The following RPS6KC1 variants were observed in gnomAD, a reference collection of about 807,000 sequenced individuals.
RPS6KC1 encodes inactive ribosomal protein S6 kinase delta-1.
RPS6KC1 carries 54 observed loss-of-function variants against 103.8 expected under a neutral mutation model. That is an observed-to-expected ratio of 0.52 (90% CI 0.42 to 0.65). The LOEUF is 0.65. Ranked by LOEUF, RPS6KC1 falls within the 30% of genes least tolerant of loss-of-function variation. RPS6KC1 has a pLI of 0.00. For missense variants in RPS6KC1, 1,151 were observed against 1,253.8 expected, an observed-to-expected ratio of 0.92 and a Z score of 1.24; for synonymous variants, 439 against 438.7, an observed-to-expected ratio of 1.00 and a Z score of -0.01.
chr1:213,287,316 A>G, the RPS6KC1 span, among the ~76,000 whole-genome samples: 2 of 151,606 alleles, frequency 1.3e-5, no homozygotes, highest in Admixed American at 6.6e-5. Context: ...GATGCTGGCT[A>G]TCGTGTCCAT....
At chr1:213,769,691 G>T in the RPS6KC1 span, among the ~76,000 whole-genome samples, 1 of 151,882 alleles carries the variant, frequency 6.6e-6, no homozygotes, top group Non-Finnish European at 1.5e-5. Flanking sequence ...AGGAATGAAA[G>T]AAAGAAAAAC....
chr1:213,681,439 C>G, the RPS6KC1 span, among the ~76,000 whole-genome samples: 3 of 151,870 alleles, frequency 2.0e-5, no homozygotes, highest in African/African-American at 7.3e-5. Flanking sequence ...TGTAAGGATG[C>G]CTTTGAAGGG....
intron 6 of RPS6KC1, among the ~76,000 whole-genome samples, chr1:213,136,922 G>A (rs2086334144): frequency 6.6e-6 from 1 of 152,138 alleles, no homozygotes; most frequent in Non-Finnish European, 1.5e-5. Context: ...GTCTTGAACT[G>A]GTCTCAGGCA....
At chr1:213,512,171 G>A in the RPS6KC1 span, among the ~76,000 whole-genome samples, 1 of 152,152 alleles carries the variant, frequency 6.6e-6, no homozygotes, top group African/African-American at 2.4e-5. Flanking sequence ...ATTGATTTTT[G>A]AAGAGTCTGT....
At chr1:213,218,080 A>G (rs963220157) in intron 8 of RPS6KC1, among the ~76,000 whole-genome samples, 4 of 152,120 alleles carry the variant, frequency 2.6e-5, no homozygotes, top group Admixed American at 2.6e-4. Context: ...GAGGAAGTCA[A>G]ATTGTCCCTG....
the RPS6KC1 span, among the ~76,000 whole-genome samples, chr1:213,657,373 G>A: frequency 1.3e-5 from 2 of 152,256 alleles, no homozygotes; most frequent in African/African-American, 2.4e-5. Context: ...CATTGAAGGC[G>A]ATAGTTGGAT....
At chr1:213,564,061 G>T in the RPS6KC1 span, among the ~76,000 whole-genome samples, 1 of 137,530 alleles carries the variant, frequency 7.3e-6, no homozygotes. Flanking sequence ...ATTTATTACT[G>T]TTAGTAATGA....
the RPS6KC1 span, among the ~76,000 whole-genome samples, chr1:213,610,088 G>A: frequency 6.6e-6 from 1 of 152,024 alleles, no homozygotes; most frequent in Non-Finnish European, 1.5e-5. Context: ...CTTAAACCAC[G>A]CCTTTGTTTA....
the RPS6KC1 span, among the ~76,000 whole-genome samples, chr1:213,709,470 A>G: frequency 6.6e-6 from 1 of 151,920 alleles, no homozygotes; most frequent in Non-Finnish European, 1.5e-5. Flanking sequence ...CTAGTGTTCT[A>G]TCTATTTTCT....
At chr1:213,589,624 A>G in the RPS6KC1 span, among the ~76,000 whole-genome samples, 2 of 145,496 alleles carry the variant, frequency 1.4e-5, no homozygotes, top group Non-Finnish European at 3.0e-5. Context: ...TCTGGTTGAC[A>G]AGAGTGAAAC....
the RPS6KC1 span, among the ~76,000 whole-genome samples, chr1:213,728,829 C>G: frequency 2.6e-5 from 4 of 151,108 alleles, no homozygotes; most frequent in South Asian, 8.4e-4. Flanking sequence ...CGCTGTGCCT[C>G]GGGAAAGGTA....
the RPS6KC1 span, among the ~76,000 whole-genome samples, chr1:213,701,563 G>A: frequency 6.6e-6 from 1 of 151,942 alleles, no homozygotes; most frequent in Non-Finnish European, 1.5e-5. Context: ...TTACTGGGAG[G>A]CTTTTAATTA....
At chr1:213,158,962 A>G (rs1052152083) in intron 6 of RPS6KC1, among the ~76,000 whole-genome samples, 10 of 152,142 alleles carry the variant, frequency 6.6e-5, no homozygotes, top group African/African-American at 2.4e-4. Context: ...TTATTATATA[A>G]TAGTAGTAGT....
chr1:213,151,993 T>A (rs2089103952), intron 6 of RPS6KC1, among the ~76,000 whole-genome samples: 1 of 99,886 alleles, frequency 1.0e-5, no homozygotes, highest in African/African-American at 4.2e-5. Flanking sequence ...CACTTCCCAG[T>A]AGGGGTGGCC....
chr1:213,396,735 C>T, the RPS6KC1 span, among the ~76,000 whole-genome samples: 1 of 152,184 alleles, frequency 6.6e-6, no homozygotes, highest in Non-Finnish European at 1.5e-5. Context: ...TTTGTTTGTT[C>T]CATACGCGTT....
At chr1:213,422,595 G>A in the RPS6KC1 span, among the ~76,000 whole-genome samples, 5 of 152,198 alleles carry the variant, frequency 3.3e-5, no homozygotes, top group Non-Finnish European at 5.9e-5. Context: ...TACTTATTAA[G>A]TGTTTGTTGA....
the RPS6KC1 span, among the ~76,000 whole-genome samples, chr1:213,510,150 G>A: frequency 6.6e-6 from 1 of 152,166 alleles, no homozygotes. Context: ...GTAATGCACA[G>A]CAGCCAAAGT....
the RPS6KC1 span, among the ~76,000 whole-genome samples, chr1:213,330,145 T>C: frequency 6.6e-6 from 1 of 152,202 alleles, no homozygotes; most frequent in African/African-American, 2.4e-5. Flanking sequence ...AAGATTCCCA[T>C]GGGATACAGG....
the RPS6KC1 span, among the ~76,000 whole-genome samples, chr1:213,373,692 A>T: frequency 6.6e-6 from 1 of 152,240 alleles, no homozygotes; most frequent in Non-Finnish European, 1.5e-5. Context: ...TATTGCTTAT[A>T]AAAGCAGGCC....
Sources: gnomAD v4.1 joint callset for allele counts (sites outside exome capture counted in the v4.1 genomes callset) on GRCh38, gnomAD v4.1.1 for gene constraint, MANE v1.5 for transcripts, NCBI Gene and HGNC (gene_info 2026-07-23, HGNC 2026-07-21) for gene names.